Variants in NKAIN2 observed in about 807,000 individuals in gnomAD.
The protein encoded by NKAIN2 is sodium/potassium-transporting ATPase subunit beta-1-interacting protein 2.
In NKAIN2, 14 loss-of-function variants were observed where a neutral mutation model predicts 32.6. The observed-to-expected ratio is 0.43, with a 90% CI of 0.28 to 0.67. NKAIN2 has a LOEUF of 0.67. Ranked by LOEUF, NKAIN2 falls within the 30% of genes least tolerant of loss-of-function variation. NKAIN2 has a pLI of 0.17. For missense variants in NKAIN2, 198 were observed against 258.3 expected (o/e 0.77, Z 1.60); for synonymous variants, 80 against 87.2 (o/e 0.92, Z 0.46).
chr6:124,244,803 A>G (rs1190125205), intron 1 of NKAIN2, among the ~76,000 whole-genome samples: 4 of 152,116 alleles, frequency 2.6e-5, no homozygotes, highest in Non-Finnish European at 5.9e-5. Flanking sequence ...TACCTTGTTG[A>G]ATTAAGGATA....
chr6:123,891,359 C>G (rs930268117), intron 1 of NKAIN2, among the ~76,000 whole-genome samples: 1 of 152,240 alleles, frequency 6.6e-6, no homozygotes, highest in South Asian at 2.1e-4. Context: ...TTACCACACA[C>G]AAAAAGCAAT....
intron 4 of NKAIN2, among the ~76,000 whole-genome samples, chr6:124,750,434 A>G (rs1022945706): frequency 1.3e-5 from 2 of 151,942 alleles, no homozygotes; most frequent in African/African-American, 4.8e-5. Context: ...TGTCTTGTTT[A>G]TCATTTTAGC....
chr6:124,108,225 A>G (rs924624161), intron 1 of NKAIN2, among the ~76,000 whole-genome samples: 20 of 152,074 alleles, frequency 1.3e-4, no homozygotes, highest in Non-Finnish European at 2.2e-4. Context: ...AATAGGTACA[A>G]GGTAATATAT....
chr6:123,870,088 T>A (rs750381655), intron 1 of NKAIN2, among the ~76,000 whole-genome samples: 1 of 152,200 alleles, frequency 6.6e-6, no homozygotes, highest in Non-Finnish European at 1.5e-5. Context: ...TGACAATTAT[T>A]TTTTTACTCT....
intron 5 of NKAIN2, among the ~76,000 whole-genome samples, chr6:124,807,045 C>A (rs1348723638): frequency 6.6e-6 from 1 of 152,026 alleles, no homozygotes; most frequent in African/African-American, 2.4e-5. Flanking sequence ...TAATGGGAGA[C>A]TTTAACACCC....
chr6:124,595,855 G>C (rs983337555), intron 3 of NKAIN2, among the ~76,000 whole-genome samples: 1 of 152,104 alleles, frequency 6.6e-6, no homozygotes, highest in African/African-American at 2.4e-5. Flanking sequence ...TACACATAAG[G>C]TCTATTTCTT....
At chr6:124,152,471 C>T (rs1055764990) in intron 1 of NKAIN2, among the ~76,000 whole-genome samples, 2 of 151,870 alleles carry the variant, frequency 1.3e-5, no homozygotes, top group Non-Finnish European at 2.9e-5. Context: ...TATCATTTCA[C>T]TCCAGTTAGA....
intron 4 of NKAIN2, among the ~76,000 whole-genome samples, chr6:124,764,815 G>C (rs762351494): frequency 4.6e-5 from 7 of 152,080 alleles, no homozygotes; most frequent in Non-Finnish European, 7.4e-5. Flanking sequence ...GAGGAAATCA[G>C]GTTGAGAGGA....
intron 1 of NKAIN2, among the ~76,000 whole-genome samples, chr6:123,840,515 AAAAC>A (rs1431258436): frequency 6.6e-6 from 1 of 152,148 alleles, no homozygotes; most frequent in African/African-American, 2.4e-5. Context: ...ACATTGAAGA[AAAAC>A]AATAATAATT....
At position 124,739,671 on chromosome 6, in the gene NKAIN2, C is replaced by T. The variant is rs555130073; in HGVS notation, c.475-51668C>T. ...AAAAGGAAGGAAGAGGCACCATACACATCTTGAAAAAGGGAGAAGCTTACA... is the reference window on the plus strand; with the variant it reads ...AAAAGGAAGGAAGAGGCACCATACATATCTTGAAAAAGGGAGAAGCTTACA... On this transcript the variant is annotated intron_variant, in intron 4 of 6. Coordinates refer to ENST00000368417, the MANE Select transcript of NKAIN2 (RefSeq NM_001040214.3). 8.6e-5 allele frequency among the ~76,000 whole-genome samples: 13 copies of T among 151,858 alleles called. No individual in the cohort carries two copies. The South Asian group carries it at 2.5e-3, about 29-fold the overall frequency.
chr6:123,960,682 A>G (rs1582846194), intron 1 of NKAIN2, among the ~76,000 whole-genome samples: 1 of 151,900 alleles, frequency 6.6e-6, no homozygotes. Context: ...ACGTGTATTT[A>G]TTAGGTGGAA....
chr6:124,531,862 G>T (rs1779539342), intron 3 of NKAIN2, among the ~76,000 whole-genome samples: 1 of 152,096 alleles, frequency 6.6e-6, no homozygotes, highest in Non-Finnish European at 1.5e-5. Flanking sequence ...GTACAGACGG[G>T]GTTTCACCAT....
intron 1 of NKAIN2, among the ~76,000 whole-genome samples, chr6:123,986,907 A>G (rs913947750): frequency 1.3e-5 from 2 of 152,144 alleles, no homozygotes; most frequent in African/African-American, 4.8e-5. Context: ...GTGTTTGAAG[A>G]GTGTTATGTG....
At chr6:124,199,916 T>C (rs1790518232) in intron 1 of NKAIN2, among the ~76,000 whole-genome samples, 1 of 152,156 alleles carries the variant, frequency 6.6e-6, no homozygotes, top group Non-Finnish European at 1.5e-5. Context: ...AGAAAAAGTA[T>C]AGTGTTGAAC....
intron 1 of NKAIN2, among the ~76,000 whole-genome samples, chr6:124,254,620 T>G (rs1011337900): frequency 1.3e-5 from 2 of 152,164 alleles, no homozygotes; most frequent in African/African-American, 4.8e-5. Context: ...ATTTCGAATA[T>G]GAAGAAATCC....
intron 2 of NKAIN2, among the ~76,000 whole-genome samples, chr6:124,347,500 A>G (rs1798488305): frequency 6.6e-6 from 1 of 152,176 alleles, no homozygotes; most frequent in Non-Finnish European, 1.5e-5. Context: ...GTCTTTTCAC[A>G]TAGTCCCATA....
At chr6:124,537,644 A>G (rs1446925538) in intron 3 of NKAIN2, among the ~76,000 whole-genome samples, 1 of 152,108 alleles carries the variant, frequency 6.6e-6, no homozygotes, top group Non-Finnish European at 1.5e-5. Flanking sequence ...TGACACTATC[A>G]TTGTGAACTT....
chr6:124,713,401 G>A (rs1417527178), intron 4 of NKAIN2, among the ~76,000 whole-genome samples: 2 of 152,148 alleles, frequency 1.3e-5, no homozygotes, highest in Non-Finnish European at 2.9e-5. Flanking sequence ...AACAGATACT[G>A]GAAGATAAAG....
chr6:124,625,659 G>GAGA (rs1275847826), intron 3 of NKAIN2, among the ~76,000 whole-genome samples: 1 of 151,930 alleles, frequency 6.6e-6, no homozygotes, highest in African/African-American at 2.4e-5. Context: ...GAAAGGAGGA[G>GAGA]AGAAGTTATT....
Sources: allele counts gnomAD v4.1 joint callset (sites outside exome capture counted in the v4.1 genomes callset), GRCh38; gene constraint gnomAD v4.1.1; transcripts MANE v1.5; gene names NCBI Gene and HGNC (gene_info 2026-07-23, HGNC 2026-07-21).